The following ESR1 variants were observed in gnomAD, a reference collection of about 807,000 sequenced individuals.
The protein encoded by ESR1 is estrogen receptor 1, also known as estrogen receptor.
In ESR1, 12 loss-of-function variants were observed where a neutral mutation model predicts 52.7. The ratio of observed to expected loss-of-function variants is 0.23; its 90% CI spans 0.15 to 0.37. The LOEUF (loss-of-function observed/expected upper bound fraction) is 0.37. Ranked by LOEUF, ESR1 falls within the 10% of genes least tolerant of loss-of-function variation. ESR1 has a pLI of 1.00. For synonymous variants in ESR1, 305 were observed against 316.8 expected (o/e 0.96, Z 0.39); for missense variants, 584 against 779.7 (o/e 0.75, Z 2.99).
intron 1 of ESR1, among the ~76,000 whole-genome samples, chr6:151,675,700 A>G (rs574916822): frequency 7.2e-4 from 110 of 152,334 alleles, no homozygotes; most frequent in African/African-American, 2.6e-3. Flanking sequence ...TACCTTAAAA[A>G]ATAAAGTGCT....
At chr6:151,685,343 C>G (rs796085742) in intron 1 of ESR1, among the ~76,000 whole-genome samples, 3 of 151,460 alleles carry the variant, frequency 2.0e-5, no homozygotes, top group African/African-American at 7.3e-5. Flanking sequence ...CCTTGTTAGC[C>G]AGGATGGTCT....
In ESR1 at chr6:151,808,080, G is replaced by A. The variant is rs199867565; in HGVS notation, c.168G>A (p.Glu56=). The change falls in exon 1 of 8, where the codon GAG becomes GAA. Residue 56 remains glutamate, a synonymous_variant. Coordinates refer to ENST00000206249, the MANE Select transcript of ESR1 (RefSeq NM_000125.4). The part of the protein sequence containing the change: ...SSKPAVYNYP[E]GAAYEFNAAA... Reference sequence around the variant, plus strand: ...AGCCCGCCGTGTACAACTACCCCGAGGGCGCCGCCTACGAGTTCAACGCCG... The same window carrying A: ...AGCCCGCCGTGTACAACTACCCCGAAGGCGCCGCCTACGAGTTCAACGCCG... 163 of 1,612,948 alleles carry A rather than the reference G, an allele frequency of 1.0e-4. No individual in the cohort carries two copies. The highest frequency in any genetic ancestry group is 2.8e-5 in the Non-Finnish European group (33 of 1,179,834).
intron 5 of ESR1, among the ~76,000 whole-genome samples, chr6:152,023,102 G>T (rs540944580): frequency 6.6e-6 from 1 of 152,028 alleles, no homozygotes; most frequent in Non-Finnish European, 1.5e-5. Context: ...TTTCTAAAGG[G>T]AGCATTTTTA....
intron 2 of ESR1, among the ~76,000 whole-genome samples, chr6:151,770,464 T>C (rs1393817698): frequency 6.6e-6 from 1 of 152,148 alleles, no homozygotes; most frequent in African/African-American, 2.4e-5. Context: ...AACGATTTCA[T>C]AACACATCAG....
chr6:151,743,534 G>C (rs1262099805), intron 2 of ESR1, among the ~76,000 whole-genome samples: 1 of 152,170 alleles, frequency 6.6e-6, no homozygotes, highest in Non-Finnish European at 1.5e-5. Context: ...CTCTGACTCA[G>C]TAATTAGTAT....
At chr6:151,885,671 C>T (rs1022649972) in intron 3 of ESR1, among the ~76,000 whole-genome samples, 3 of 152,100 alleles carry the variant, frequency 2.0e-5, no homozygotes, top group Non-Finnish European at 2.9e-5. Context: ...TCAAGACCAG[C>T]CTGGCCAACA....
intron 2 of ESR1, among the ~76,000 whole-genome samples, chr6:151,753,267 T>G (rs912727601): frequency 1.3e-5 from 2 of 152,106 alleles, no homozygotes; most frequent in African/African-American, 4.8e-5. Flanking sequence ...CAAACCAGTT[T>G]GGAAAATTTA....
intron 2 of ESR1, among the ~76,000 whole-genome samples, chr6:151,784,912 G>A (rs369146533): frequency 6.6e-6 from 1 of 152,208 alleles, no homozygotes. Context: ...GGAAACTCAG[G>A]CAGGAGTTAA....
At chr6:151,978,254 TTAG>T (rs1417284374) in intron 4 of ESR1, among the ~76,000 whole-genome samples, 28 of 152,064 alleles carry the variant, frequency 1.8e-4, no homozygotes, top group African/African-American at 6.8e-4. Context: ...GATGGGTTAA[TTAG>T]TAGAATGGAT....
chr6:152,044,396 G>A (rs906884904), intron 5 of ESR1, among the ~76,000 whole-genome samples: 1 of 152,154 alleles, frequency 6.6e-6, no homozygotes, highest in Non-Finnish European at 1.5e-5. Flanking sequence ...ATCTGTATTA[G>A]TCAGGATTCG....
chr6:151,792,988 G>A (rs1329566024), intron 2 of ESR1, among the ~76,000 whole-genome samples: 1 of 151,908 alleles, frequency 6.6e-6, no homozygotes, highest in Non-Finnish European at 1.5e-5. Flanking sequence ...GGCTAACACG[G>A]TGAAACCCTG....
chr6:151,712,518 G>C (rs1038094931), intron 2 of ESR1, among the ~76,000 whole-genome samples: 1 of 152,028 alleles, frequency 6.6e-6, no homozygotes, highest in South Asian at 2.1e-4. Flanking sequence ...GTTTTTCCTT[G>C]AGCAGTGGTT....
chr6:151,706,594 C>G (rs1428886278), intron 2 of ESR1, among the ~76,000 whole-genome samples: 1 of 152,086 alleles, frequency 6.6e-6, no homozygotes, highest in Non-Finnish European at 1.5e-5. Flanking sequence ...AAGAGCAAAG[C>G]TTATTGGTTT....
chr6:151,799,957 A>G (rs1474599775), upstream of ESR1, among the ~76,000 whole-genome samples: 1 of 152,184 alleles, frequency 6.6e-6, no homozygotes, highest in Non-Finnish European at 1.5e-5. Context: ...GGGACTCTTG[A>G]TAAATGAGGA....
At chr6:152,078,131 CATGA>C (rs2048892034) in intron 6 of ESR1, among the ~76,000 whole-genome samples, 1 of 152,196 alleles carries the variant, frequency 6.6e-6, no homozygotes, top group South Asian at 2.1e-4. Flanking sequence ...CAATTTGAAT[CATGA>C]GGCCAGTTTC....
At chr6:151,749,318 G>C (rs919461926) in intron 2 of ESR1, among the ~76,000 whole-genome samples, 1 of 152,046 alleles carries the variant, frequency 6.6e-6, no homozygotes, top group Admixed American at 6.6e-5. Flanking sequence ...ACATATTCAT[G>C]GGATAAAAAT....
At position 152,100,656 on chromosome 6, in the gene ESR1, A is replaced by G. The variant is rs557952997; in HGVS notation, c.*1690A>G. The G allele has an allele frequency of 8.7e-6, 2 of 230,496 alleles. No homozygotes were observed. The highest frequency in any genetic ancestry group is 5.7e-5 in the Admixed American group (1 of 17,684). The allele number at this position is 230,496 out of a possible 1,614,324, so 14.3% of individuals were successfully genotyped here. A position where few individuals can be genotyped will look rare whatever the true frequency, so the allele number is the denominator to read the frequency against. On this transcript the variant is annotated 3_prime_UTR_variant, in exon 8 of 8. Coordinates refer to ENST00000206249, the MANE Select transcript of ESR1 (RefSeq NM_000125.4). ...TGAGAGGTGATGTCTGTGTTAGCCA[A>G]TGACCCAGGTGAGCTGCTCGGGCTT...
intron 1 of ESR1, chr6:151,809,203 G>A: frequency 2.2e-6 from 1 of 458,916 alleles, no homozygotes; most frequent in Non-Finnish European, 4.6e-6. Context: ...TCTGCGCCTC[G>A]CAGCCACTGT....
chr6:151,662,811 T>C (rs1777684740), intron 1 of ESR1, among the ~76,000 whole-genome samples: 1 of 152,236 alleles, frequency 6.6e-6, no homozygotes, highest in Non-Finnish European at 1.5e-5. Flanking sequence ...GTCTTTAGCA[T>C]GTATTAAACG....
Sources: gnomAD v4.1 joint callset for allele counts (sites outside exome capture counted in the v4.1 genomes callset) on GRCh38, gnomAD v4.1.1 for gene constraint, MANE v1.5 for transcripts, NCBI Gene and HGNC (gene_info 2026-07-23, HGNC 2026-07-21) for gene names.